VWF: variants seen among roughly 807,000 people sequenced by gnomAD.
The protein encoded by VWF is von Willebrand factor.
In VWF, 176 loss-of-function variants were observed where a neutral mutation model predicts 308.6. The ratio of observed to expected loss-of-function variants is 0.57; its 90% CI spans 0.50 to 0.65. The LOEUF (loss-of-function observed/expected upper bound fraction) is 0.65. Ranked by LOEUF, VWF falls within the 30% of genes least tolerant of loss-of-function variation. The pLI is 0.00. For missense variants in VWF, 3,146 were observed against 3,648.2 expected (o/e 0.86, Z 3.55); for synonymous variants, 1,385 against 1,443.4 (o/e 0.96, Z 0.92).
At position 5,981,816 on chromosome 12, in the gene VWF, G is replaced by A; in HGVS notation, c.7257C>T (p.Gly2419=). 6.2e-7 allele frequency: 1 copy of A among 1,614,158 alleles called. No homozygotes were observed. The highest frequency in any genetic ancestry group is 8.5e-7 in the Non-Finnish European group (1 of 1,180,024). Residue 2419 remains glycine, a synonymous_variant, in exon 42 of 52, where the codon GGC becomes GGT. Coordinates refer to ENST00000261405, the MANE Select transcript of VWF (RefSeq NM_000552.5). Reference sequence around the variant, plus strand: ...CGGGAAGGCAGGTGGTTGTGGTACAGCCACAGTCATTGGTGGCAGTTGAGG... The same window carrying A: ...CGGGAAGGCAGGTGGTTGTGGTACAACCACAGTCATTGGTGGCAGTTGAGG... ...YLASTATNDC[G]CTTTTCLPDK... is the part of the protein sequence containing the mutation.
intron 41 of VWF, 72 bp downstream of exon 41, chr12:5,983,078 C>T: frequency 6.9e-7 from 1 of 1,451,720 alleles, no homozygotes; most frequent in Non-Finnish European, 9.5e-7. Flanking sequence ...GAAGAGGTCC[C>T]TGAGGAGGAT....
intron 47 of VWF, among the ~76,000 whole-genome samples, chr12:5,960,510 T>C (rs948002073): frequency 6.6e-6 from 1 of 152,068 alleles, no homozygotes; most frequent in Non-Finnish European, 1.5e-5. Context: ...AACCCTGACA[T>C]CAAAATCTAA....
intron 3 of VWF, among the ~76,000 whole-genome samples, chr12:6,120,560 C>T (rs1945417906): frequency 6.6e-6 from 1 of 152,172 alleles, no homozygotes; most frequent in Non-Finnish European, 1.5e-5. Context: ...ACCTTGGCCT[C>T]CCAAAGTACT....
chr12:6,110,798 T>C (rs991957655), intron 4 of VWF, 68 bp downstream of exon 4: 12 of 1,530,896 alleles, frequency 7.8e-6, no homozygotes, highest in South Asian at 3.4e-5. Flanking sequence ...AGCTTCCTCA[T>C]CTAAAAATGA....
rs778247950 is a variant in VWF at position 5,976,181 on chromosome 12, A to G, written c.7367T>C (p.Met2456Thr). The G allele has an allele frequency of 3.7e-6, 6 of 1,614,138 alleles. No homozygotes were observed. The highest frequency in any genetic ancestry group is 4.2e-6 in the Non-Finnish European group (5 of 1,180,030). Residue 2456 changes from methionine (M) to threonine (T), a missense_variant, in exon 43 of 52, where the codon ATG becomes ACG. Coordinates refer to ENST00000261405, the MANE Select transcript of VWF (RefSeq NM_000552.5). ...EGCDVCTCTD[M>T]EDAVMGLRVA... Reference sequence around the variant, plus strand: ...GCGGAGGCCCATCACGGCATCCTCCATGTCGGTGCAGGTGCACACATCGCA... The same window carrying G: ...GCGGAGGCCCATCACGGCATCCTCCGTGTCGGTGCAGGTGCACACATCGCA...
intron 10 of VWF, 43 bp from the exon 11 acceptor site, chr12:6,065,316 C>A (rs765907827): frequency 6.2e-7 from 1 of 1,612,678 alleles, no homozygotes; most frequent in Non-Finnish European, 8.5e-7. Context: ...GAGGTGAGGG[C>A]ACTTCCCCTG....
At chr12:6,107,115 T>G (rs1454686790) in intron 5 of VWF, among the ~76,000 whole-genome samples, 1 of 152,162 alleles carries the variant, frequency 6.6e-6, no homozygotes, top group East Asian at 1.9e-4. Flanking sequence ...CAATATGGAT[T>G]AACCTCTCAC....
At chr12:6,100,645 A>G (rs1234097196) in intron 5 of VWF, among the ~76,000 whole-genome samples, 1 of 152,208 alleles carries the variant, frequency 6.6e-6, no homozygotes. Context: ...TGCAAGGACA[A>G]AAAACCAAAC....
chr12:5,951,651 A>C (rs1591827997), intron 50 of VWF, among the ~76,000 whole-genome samples, 193 bp downstream of exon 50: 2 of 152,178 alleles, frequency 1.3e-5, no homozygotes, highest in Admixed American at 6.5e-5. Context: ...GATGACATCC[A>C]AGGAGGGGAG....
intron 34 of VWF, among the ~76,000 whole-genome samples, chr12:5,996,677 C>CT (rs1398066535): frequency 1.4e-5 from 2 of 144,308 alleles, no homozygotes; most frequent in Non-Finnish European, 3.0e-5. Context: ...TGCCAAGTGA[C>CT]TAAGGTAATG....
intron 7 of VWF, among the ~76,000 whole-genome samples, chr12:6,074,538 C>T (rs1944819434): frequency 6.8e-6 from 1 of 146,816 alleles, no homozygotes; most frequent in African/African-American, 2.6e-5. Flanking sequence ...AGAGAAGAAA[C>T]CAGCTGCTAG....
chr12:6,097,787 T>G (rs1412243904), intron 5 of VWF, among the ~76,000 whole-genome samples: 1 of 152,254 alleles, frequency 6.6e-6, no homozygotes, highest in African/African-American at 2.4e-5. Context: ...AACTTAAATT[T>G]GTGGCATGTT....
intron 6 of VWF, among the ~76,000 whole-genome samples, chr12:6,076,527 T>C (rs952588019): frequency 1.3e-5 from 2 of 151,780 alleles, no homozygotes; most frequent in African/African-American, 4.9e-5. Flanking sequence ...ATCCCCATGA[T>C]TTCTTTCTTG....
intron 47 of VWF, among the ~76,000 whole-genome samples, chr12:5,957,221 T>A (rs948150884): frequency 1.3e-5 from 2 of 152,216 alleles, no homozygotes; most frequent in Non-Finnish European, 2.9e-5. Flanking sequence ...GATTTGCGTA[T>A]GTGCACTCCA....
intron 43 of VWF, 82 bp downstream of exon 43, chr12:5,976,029 C>T (rs907943298): frequency 2.5e-6 from 4 of 1,573,494 alleles, no homozygotes; most frequent in South Asian, 1.1e-5. Flanking sequence ...AAAAAAAGAA[C>T]CTTTCTTACC....
intron 38 of VWF, among the ~76,000 whole-genome samples, chr12:5,988,292 C>T (rs7964799): frequency 0.056 from 8,481 of 152,090 alleles, 805 homozygotes; most frequent in African/African-American, 0.19. Flanking sequence ...GCATGCAGGA[C>T]GGAAAAGGGA....
At chr12:6,045,761 G>A (rs898100451) in intron 17 of VWF, among the ~76,000 whole-genome samples, 6 of 152,256 alleles carry the variant, frequency 3.9e-5, no homozygotes, top group African/African-American at 1.4e-4. Context: ...GAGGGAAGCA[G>A]TCAAGCTGGA....
intron 31 of VWF, among the ~76,000 whole-genome samples, chr12:6,014,975 T>C (rs1448630705): frequency 6.6e-6 from 1 of 152,242 alleles, no homozygotes; most frequent in Non-Finnish European, 1.5e-5. Context: ...AGAAAAAATC[T>C]CCATCCTGAA....
chr12:6,040,088 C>T (rs2136435802), intron 18 of VWF, among the ~76,000 whole-genome samples: 1 of 152,298 alleles, frequency 6.6e-6, no homozygotes. Context: ...AAGGGGCTGA[C>T]ATAATGGGAC....
Sources: gnomAD v4.1 joint callset for allele counts (sites outside exome capture counted in the v4.1 genomes callset) on GRCh38, gnomAD v4.1.1 for gene constraint, MANE v1.5 for transcripts, NCBI Gene and HGNC (gene_info 2026-07-23, HGNC 2026-07-21) for gene names.